Variants in PDSS2 observed in about 807,000 individuals in gnomAD.
PDSS2 encodes all trans-polyprenyl-diphosphate synthase PDSS2.
Under a neutral mutation model 44.5 loss-of-function variants are expected in PDSS2, and 31 were observed. The ratio of observed to expected loss-of-function variants is 0.70; its 90% CI spans 0.52 to 0.94. The LOEUF (loss-of-function observed/expected upper bound fraction) is 0.94, where lower values mean the gene tolerates loss of function less well. Among genes scored for constraint, PDSS2 ranks in the 40% least tolerant of loss-of-function variants. The probability of loss-of-function intolerance (pLI) is 0.00; values close to 1 mark genes in which losing one functional copy is unlikely to be tolerated. For synonymous variants in PDSS2, 157 were observed against 180.3 expected (o/e 0.87, Z 1.03); for missense variants, 452 against 482.2 (o/e 0.94, Z 0.59).
chr6:107,173,030 G>A (rs782283052), intron 7 of PDSS2, among the ~76,000 whole-genome samples: 25 of 150,568 alleles, frequency 1.7e-4, no homozygotes, highest in South Asian at 6.4e-4. Flanking sequence ...AGGCTGAGGC[G>A]GGAGAATCGC....
At chr6:107,274,925 G>C (rs528059356) in intron 2 of PDSS2, among the ~76,000 whole-genome samples, 3 of 152,000 alleles carry the variant, frequency 2.0e-5, no homozygotes, top group Admixed American at 2.0e-4. Flanking sequence ...TACCTGCCTC[G>C]GACACCCAAA....
At chr6:107,363,672 G>A (rs1452581642) in intron 1 of PDSS2, among the ~76,000 whole-genome samples, 1 of 152,204 alleles carries the variant, frequency 6.6e-6, no homozygotes, top group Non-Finnish European at 1.5e-5. Flanking sequence ...CGAGCGGGTT[G>A]CCAATACTGG....
intron 2 of PDSS2, among the ~76,000 whole-genome samples, chr6:107,301,529 C>T (rs1163411769): frequency 1.3e-5 from 2 of 152,096 alleles, no homozygotes; most frequent in Non-Finnish European, 2.9e-5. Context: ...TTGGAGAACA[C>T]ATATGTTGGT....
chr6:107,412,618 T>C (rs1185787379), intron 1 of PDSS2, among the ~76,000 whole-genome samples: 1 of 152,242 alleles, frequency 6.6e-6, no homozygotes, highest in Non-Finnish European at 1.5e-5. Flanking sequence ...GTCGGCAACA[T>C]AAGCGTCAAT....
intron 3 of PDSS2, 96 bp downstream of exon 3, chr6:107,273,933 A>C: frequency 1.2e-6 from 1 of 859,730 alleles, no homozygotes; most frequent in Non-Finnish European, 2.0e-6. Context: ...ACATGAGGGG[A>C]GTTGGGGCAG....
chr6:107,309,938 A>T (rs546172679), intron 2 of PDSS2, among the ~76,000 whole-genome samples: 324 of 152,284 alleles, frequency 2.1e-3, no homozygotes, highest in African/African-American at 7.5e-3. Context: ...GGGTGGCTTA[A>T]ACAGACATTT....
chr6:107,267,449 C>A (rs1170648568), intron 3 of PDSS2, among the ~76,000 whole-genome samples: 5 of 152,132 alleles, frequency 3.3e-5, no homozygotes, highest in African/African-American at 1.2e-4. Flanking sequence ...GGCAAAGAAC[C>A]ACTCACCTTC....
Position 107,458,970 on chromosome 6 carries a change from G to C in PDSS2, c.296+20C>G. On this transcript the variant is annotated intron_variant, in intron 1 of 7. Coordinates refer to ENST00000369037, the MANE Select transcript of PDSS2 (RefSeq NM_020381.4). ...TATTCCAATGAGTGCGAGTGTGTCA[G>C]CGGGAGAGGGGTAGCTCACCTGGCT... 1 of 1,612,700 alleles carries C rather than the reference G, an allele frequency of 6.2e-7. No individual in the cohort carries two copies. Among genetic ancestry groups the C allele is most frequent in the African/African-American group, 1.3e-5 (1 of 75,032 alleles).
intron 1 of PDSS2, among the ~76,000 whole-genome samples, chr6:107,376,400 A>C (rs917969614): frequency 1.3e-5 from 2 of 151,912 alleles, no homozygotes; most frequent in Non-Finnish European, 2.9e-5. Context: ...ATGAGCATGG[A>C]ATGTTCTTCC....
At chr6:107,275,552 G>A (rs1775750842) in intron 2 of PDSS2, among the ~76,000 whole-genome samples, 1 of 152,074 alleles carries the variant, frequency 6.6e-6, no homozygotes, top group South Asian at 2.1e-4. Context: ...CAACTGATAA[G>A]CTTTTCACAG....
intron 3 of PDSS2, among the ~76,000 whole-genome samples, chr6:107,271,348 G>A (rs1288581616): frequency 6.6e-6 from 1 of 152,128 alleles, no homozygotes; most frequent in Non-Finnish European, 1.5e-5. Context: ...ACAAAGTATT[G>A]CCAAGCAATA....
chr6:107,431,615 T>A (rs1279771189), intron 1 of PDSS2, among the ~76,000 whole-genome samples: 1 of 152,162 alleles, frequency 6.6e-6, no homozygotes, highest in Non-Finnish European at 1.5e-5. Context: ...CAGTACAGCA[T>A]ACCTTTCAAA....
At chr6:107,272,084 C>CAAAAAAAAAAAAAAAAA (rs58296849) in intron 3 of PDSS2, among the ~76,000 whole-genome samples, 3 of 128,890 alleles carry the variant, frequency 2.3e-5, no homozygotes, top group Non-Finnish European at 1.7e-5. Flanking sequence ...AAAAAAGAAA[C>CAAAAAAAAAAAAAAAAA]AAAAAAAAAA....
intron 7 of PDSS2, among the ~76,000 whole-genome samples, chr6:107,168,121 T>C (rs1771421852): frequency 6.6e-6 from 1 of 152,170 alleles, no homozygotes; most frequent in Non-Finnish European, 1.5e-5. Context: ...TAAGTCTCTT[T>C]GTAGGTCTCT....
chr6:107,176,135 G>A (rs1019298800), intron 7 of PDSS2, among the ~76,000 whole-genome samples: 4 of 151,858 alleles, frequency 2.6e-5, no homozygotes, highest in African/African-American at 7.3e-5. Flanking sequence ...TCCACCTCTC[G>A]GGTTCAAGTG....
chr6:107,227,906 A>G (rs1486995014), intron 4 of PDSS2, among the ~76,000 whole-genome samples: 1 of 152,204 alleles, frequency 6.6e-6, no homozygotes, highest in East Asian at 1.9e-4. Flanking sequence ...ATTTAGCTCC[A>G]GAGCCCAGCA....
rs1222179212 is a variant in PDSS2 at position 107,459,233 on chromosome 6, C to T, written c.53G>A (p.Gly18Asp). ...LHLPRYLGAS[G>D]SPRRLWWSPS... Reference sequence around the variant, plus strand: ...GGACCACCACAGGCGACGCGGGGAACCCGAGGCTCCAAGATAACGTGGCAA... The same window carrying T: ...GGACCACCACAGGCGACGCGGGGAATCCGAGGCTCCAAGATAACGTGGCAA... Residue 18 changes from glycine to aspartate, a missense_variant, in exon 1 of 8, where the codon GGT becomes GAT. Gly to Asp is a moderately conservative substitution (Grantham distance 94, BLOSUM62 -1). Coordinates refer to ENST00000369037, the MANE Select transcript of PDSS2 (RefSeq NM_020381.4). This position sits in a 1 kb window ranked among gnomAD's most constrained non-coding sequence, Gnocchi z 4.3. 2.5e-6 allele frequency: 4 copies of T among 1,614,134 alleles called. No individual in the cohort carries two copies. Among genetic ancestry groups the T allele is most frequent in the East Asian group, 4.5e-5 (2 of 44,872 alleles).
At chr6:107,288,753 G>GTTCTTTTT (rs1776241225) in intron 2 of PDSS2, among the ~76,000 whole-genome samples, 2 of 72,742 alleles carry the variant, frequency 2.7e-5, no homozygotes, top group African/African-American at 5.7e-5. Flanking sequence ...GGACGAAATT[G>GTTCTTTTT]TTTTTTTTTT....
chr6:107,234,983 A>C (rs1190605297), intron 4 of PDSS2, among the ~76,000 whole-genome samples: 1 of 152,216 alleles, frequency 6.6e-6, no homozygotes, highest in East Asian at 1.9e-4. Context: ...CTAAAAACTG[A>C]AGAAAATATA....
Sources: allele counts gnomAD v4.1 joint callset (sites outside exome capture counted in the v4.1 genomes callset), GRCh38; gene constraint gnomAD v4.1.1; non-coding constraint Gnocchi (gnomAD v3.1); transcripts MANE v1.5; gene names NCBI Gene and HGNC (gene_info 2026-07-23, HGNC 2026-07-21).